Variants in LZTFL1 observed in about 807,000 individuals in gnomAD.
The protein encoded by LZTFL1 is leucine zipper transcription factor like 1, also known as leucine zipper transcription factor-like protein 1.
Under a neutral mutation model 45.9 loss-of-function variants are expected in LZTFL1, and 25 were observed. That is an observed-to-expected ratio of 0.54 (90% CI 0.40 to 0.76). The LOEUF (loss-of-function observed/expected upper bound fraction) is 0.76, where lower values mean the gene tolerates loss of function less well. LZTFL1 is among the 30% of genes least tolerant of loss of function. The pLI is 0.00. For synonymous variants in LZTFL1, 93 were observed against 117.4 expected (o/e 0.79, Z 1.35); for missense variants, 277 against 331.1 (o/e 0.84, Z 1.27).
chr3:45,836,414 G>A (rs535230960), intron 2 of LZTFL1, among the ~76,000 whole-genome samples: 81 of 152,260 alleles, frequency 5.3e-4, no homozygotes, highest in African/African-American at 1.9e-3. Flanking sequence ...CAGCACTTTG[G>A]GAGGCAGAGG....
chr3:45,869,038 C>T (rs959500301), intron 2 of LZTFL1, among the ~76,000 whole-genome samples: 3 of 152,186 alleles, frequency 2.0e-5, no homozygotes, highest in African/African-American at 7.2e-5. Flanking sequence ...AAGAAATGCA[C>T]ACATGATGAC....
At chr3:45,914,285 G>A (rs1191659135) in intron 1 of LZTFL1, among the ~76,000 whole-genome samples, 2 of 95,488 alleles carry the variant, frequency 2.1e-5, no homozygotes, top group African/African-American at 9.0e-5. Flanking sequence ...CCATGGATCT[G>A]CATTTTTTTT....
chr3:45,851,124 C>T (rs565626885), intron 4 of LZTFL1, among the ~76,000 whole-genome samples: 2 of 152,232 alleles, frequency 1.3e-5, no homozygotes, highest in East Asian at 1.9e-4. Flanking sequence ...ATTTTGAACT[C>T]GGAAATGCTT....
chr3:45,906,089 A>G (rs923934319), intron 2 of LZTFL1, among the ~76,000 whole-genome samples: 6 of 152,076 alleles, frequency 3.9e-5, no homozygotes, highest in Non-Finnish European at 7.4e-5. Flanking sequence ...GTCCTGCAAC[A>G]ATTTTCTCAC....
At chr3:45,866,433 C>T (rs577515604) in intron 2 of LZTFL1, among the ~76,000 whole-genome samples, 1 of 152,224 alleles carries the variant, frequency 6.6e-6, no homozygotes, top group South Asian at 2.1e-4. Flanking sequence ...CTTTTTCTTC[C>T]AGGAAAGTTT....
intron 7 of LZTFL1, 88 bp from the exon 8 acceptor site, chr3:45,828,703 G>T: frequency 8.6e-7 from 1 of 1,158,920 alleles, no homozygotes; most frequent in Non-Finnish European, 1.2e-6. Context: ...CATAGGAGAT[G>T]AAAAAAATGA....
rs900885756 is a variant in LZTFL1 at position 45,903,529 on chromosome 3, G to A, written c.-215+9591C>T. 4.6e-5 allele frequency among the ~76,000 whole-genome samples: 7 copies of A among 152,226 alleles called. 1 individual carries two copies. Among genetic ancestry groups the A allele is most frequent in the Non-Finnish European group, 1.0e-4 (7 of 68,040 alleles). ...GCATCTAATTTCCCCAGTGCCTTGT[G>A]GATCGCTGTGGTTTCCATTCCAACG... On this transcript the variant is annotated intron_variant, in intron 2 of 4. Coordinates refer to the LZTFL1 transcript ENST00000472635.
rs769782008 is a variant in LZTFL1, at chr3:45,828,481, G to A, written c.735C>T (p.His245=). The change falls in exon 8 of 10, where the codon CAC becomes CAT. Residue 245 remains histidine (H), a synonymous_variant. Coordinates refer to ENST00000296135, the MANE Select transcript of LZTFL1 (RefSeq NM_020347.4). ...SLEENLATAK[H]DLLRVQEQLH... is the part of the protein sequence containing the mutation. ...GCTGCTCCTGAACCCTGAGTAGATC[G>A]TGCTTGGCTGTCGCCAGATTCTCCT... 5.1e-5 allele frequency: 83 copies of A among 1,613,966 alleles called. No individual in the cohort carries two copies. Among genetic ancestry groups the A allele is most frequent in the Non-Finnish European group, 6.2e-5 (73 of 1,179,998 alleles).
At chr3:45,836,989 G>C (rs1575258901) in intron 2 of LZTFL1, among the ~76,000 whole-genome samples, 1 of 152,268 alleles carries the variant, frequency 6.6e-6, no homozygotes, top group South Asian at 2.1e-4. Flanking sequence ...ATTCTCAGCA[G>C]ATGAAGAGCA....
At chr3:45,836,654 C>CA (rs1322607391) in intron 2 of LZTFL1, among the ~76,000 whole-genome samples, 2 of 151,312 alleles carry the variant, frequency 1.3e-5, no homozygotes, top group Admixed American at 1.3e-4. Flanking sequence ...GACTCCGTCT[C>CA]AAAAAAACAA....
chr3:45,896,483 G>T (rs1463476867), intron 2 of LZTFL1, among the ~76,000 whole-genome samples: 1 of 152,220 alleles, frequency 6.6e-6, no homozygotes, highest in Non-Finnish European at 1.5e-5. Flanking sequence ...ACCCATGCAG[G>T]TGCCCCACAT....
intron 4 of LZTFL1, chr3:45,854,458 A>C (rs952202019): frequency 6.5e-6 from 1 of 153,252 alleles, no homozygotes; most frequent in Non-Finnish European, 1.4e-5. Flanking sequence ...ACAGCTATTC[A>C]GGAGGCTGAG....
intron 7 of LZTFL1, among the ~76,000 whole-genome samples, chr3:45,829,415 C>A (rs964565760): frequency 2.0e-4 from 30 of 151,932 alleles, no homozygotes; most frequent in African/African-American, 6.3e-4. Flanking sequence ...CCAGCCTGGG[C>A]AACAGAGCAA....
In LZTFL1 at chr3:45,901,035, A is replaced by G. The variant is rs1280762059; in HGVS notation, c.-215+12085T>C. ...GTACTGCACAAGAGTGAAGACCATG[A>G]CCGACATGTTCCTTTTGAATTTGGC... is the stretch of plus-strand genomic sequence containing the variant. On this transcript the variant is annotated intron_variant, in intron 2 of 4. Coordinates refer to the LZTFL1 transcript ENST00000472635. The surrounding 1 kb of genome is among the most constrained non-coding windows in gnomAD (Gnocchi z 4.3). 6.2e-7 allele frequency: 1 copy of G among 1,614,060 alleles called. No homozygotes were observed. The highest frequency in any genetic ancestry group is 1.7e-5 in the Admixed American group (1 of 60,026).
intron 1 of LZTFL1, among the ~76,000 whole-genome samples, chr3:45,840,734 G>A (rs545135991): frequency 9.2e-5 from 14 of 152,202 alleles, no homozygotes; most frequent in Admixed American, 2.6e-4. Context: ...GGGGGAAGGG[G>A]ATAGAAGAGA....
intron 2 of LZTFL1, among the ~76,000 whole-genome samples, chr3:45,884,314 T>C (rs1358104976): frequency 1.3e-5 from 2 of 152,124 alleles, no homozygotes; most frequent in Non-Finnish European, 2.9e-5. Flanking sequence ...GGACCTAAAC[T>C]AGATTGCAGC....
intron 2 of LZTFL1, among the ~76,000 whole-genome samples, chr3:45,896,133 T>C (rs1702349091): frequency 6.6e-6 from 1 of 152,248 alleles, no homozygotes; most frequent in African/African-American, 2.4e-5. Flanking sequence ...ACTATTATTC[T>C]GACAAAAAGT....
chr3:45,913,100 T>G (rs1702831057), intron 2 of LZTFL1: 2 of 1,535,634 alleles, frequency 1.3e-6, no homozygotes, highest in African/African-American at 1.4e-5. Flanking sequence ...TAATATGTTC[T>G]GTAAATGGTT....
At position 45,825,131 on chromosome 3, in the gene LZTFL1, T is replaced by A. The variant is rs761656270; in HGVS notation, c.*1183A>T. On this transcript the variant is annotated 3_prime_UTR_variant, in exon 10 of 10. Transcript: ENST00000296135. ...CTATGCTCCAATCAGTAAACTCGTTTCTTGGAATAAAATCTTCATTTGTGG... is the reference window on the plus strand; with the variant it reads ...CTATGCTCCAATCAGTAAACTCGTTACTTGGAATAAAATCTTCATTTGTGG... 3.3e-4 allele frequency: 124 copies of A among 370,226 alleles called. No homozygotes were observed. The highest frequency in any genetic ancestry group is 5.3e-4 in the Non-Finnish European group (110 of 208,618). 22.9% of individuals were successfully genotyped at this position (370,226 alleles called of 1,614,324 possible).
Sources: gnomAD v4.1 joint callset for allele counts (sites outside exome capture counted in the v4.1 genomes callset) on GRCh38, gnomAD v4.1.1 for gene constraint, Gnocchi (gnomAD v3.1) non-coding constraint, MANE v1.5 for transcripts, NCBI Gene and HGNC (gene_info 2026-07-23, HGNC 2026-07-21) for gene names.